The following GRIA3 variants were observed in gnomAD, a reference collection of about 807,000 sequenced individuals.
GRIA3 encodes the protein glutamate receptor 3.
In GRIA3, 3 loss-of-function variants were observed where a neutral mutation model predicts 63.0. That is an observed-to-expected ratio of 0.05 (90% CI 0.02 to 0.12). The LOEUF (loss-of-function observed/expected upper bound fraction) is 0.12. Among genes scored for constraint, GRIA3 ranks in the 10% least tolerant of loss-of-function variants. The pLI is 1.00. For synonymous variants in GRIA3, 274 were observed against 257.9 expected (o/e 1.06, Z -0.60); for missense variants, 347 against 700.9 (o/e 0.50, Z 5.70).
At chrX:123,376,331 GA>G (rs1194781048) in intron 5 of GRIA3, among the ~76,000 whole-genome samples, 1 of 111,650 alleles carries the variant, frequency 9.0e-6, no homozygotes, top group Non-Finnish European at 1.9e-5. Context: ...CTGCTATTCA[GA>G]AAAAAAATTG....
At chrX:123,204,487 T>A (rs1478971383) in intron 2 of GRIA3, 1 of 1,163,752 alleles carries the variant, frequency 8.6e-7, no homozygotes, top group African/African-American at 1.8e-5. Context: ...GTGAGCATCA[T>A]GGAGGGAGAA....
intron 5 of GRIA3, among the ~76,000 whole-genome samples, chrX:123,389,408 T>C (rs2045371486): frequency 8.9e-6 from 1 of 112,038 alleles, no homozygotes; most frequent in South Asian, 3.7e-4. Context: ...GAAGCATATA[T>C]GTTTAGAATT....
chrX:123,202,721 G>A (rs1479125846), intron 2 of GRIA3: 1 of 1,164,327 alleles, frequency 8.6e-7, no homozygotes, highest in Non-Finnish European at 1.1e-6. Context: ...AAGATCATGG[G>A]CTGCTGCACC....
In GRIA3 at chrX:123,313,594, C is replaced by A. The variant is rs543763207; in HGVS notation, c.509-12432C>A. ...TGGTAACCATCATTCATACCTCACACCCAGAACTCAGAAATGTTAAGAGGT... is the reference window on the plus strand; with the variant it reads ...TGGTAACCATCATTCATACCTCACAACCAGAACTCAGAAATGTTAAGAGGT... On this transcript the variant is annotated intron_variant, in intron 3 of 15. Coordinates refer to ENST00000620443, the MANE Select transcript of GRIA3 (RefSeq NM_007325.5). 1.2e-3 allele frequency among the ~76,000 whole-genome samples: 131 copies of A among 111,463 alleles called. 1 individual carries two copies. Among genetic ancestry groups the A allele is most frequent in the Middle Eastern group, 4.6e-3 (1 of 216 alleles).
intron 9 of GRIA3, 103 bp downstream of exon 9, chrX:123,403,622 A>G: frequency 1.7e-6 from 1 of 597,475 alleles, no homozygotes; most frequent in East Asian, 3.3e-5. Flanking sequence ...TCAAACAGTA[A>G]AAACTTCCAA....
At chrX:123,317,576 C>A (rs1311772684) in intron 3 of GRIA3, among the ~76,000 whole-genome samples, 4 of 111,993 alleles carry the variant, frequency 3.6e-5, no homozygotes, top group Non-Finnish European at 7.5e-5. Flanking sequence ...CAAAATCCAA[C>A]AGGGTAGTCA....
intron 3 of GRIA3, among the ~76,000 whole-genome samples, chrX:123,309,232 A>C (rs1394630976): frequency 9.0e-6 from 1 of 111,178 alleles, no homozygotes; most frequent in East Asian, 2.8e-4. Flanking sequence ...TAAAAATACA[A>C]AAAAATTAAC....
intron 10 of GRIA3, among the ~76,000 whole-genome samples, chrX:123,416,777 G>A (rs983910587): frequency 7.1e-5 from 8 of 112,501 alleles, no homozygotes; most frequent in Admixed American, 5.6e-4. Context: ...TATTTTTTAG[G>A]CATCTACAGT....
At chrX:123,377,843 G>A (rs1002971679) in intron 5 of GRIA3, among the ~76,000 whole-genome samples, 2 of 111,767 alleles carry the variant, frequency 1.8e-5, no homozygotes, top group African/African-American at 3.3e-5. Flanking sequence ...AGGATTCACA[G>A]CTCAGCTTTA....
chrX:123,196,515 C>T (rs936795316), intron 2 of GRIA3, among the ~76,000 whole-genome samples: 1 of 112,062 alleles, frequency 8.9e-6, no homozygotes, highest in Non-Finnish European at 1.9e-5. Context: ...TACAACAACA[C>T]CTTGCATGAA....
At chrX:123,377,109 T>G (rs1373412965) in intron 5 of GRIA3, among the ~76,000 whole-genome samples, 2 of 109,793 alleles carry the variant, frequency 1.8e-5, no homozygotes, top group African/African-American at 6.6e-5. Flanking sequence ...TAATTTTTTT[T>G]ATATTTTTAG....
chrX:123,388,516 G>A (rs766081283), intron 5 of GRIA3, among the ~76,000 whole-genome samples: 3 of 112,089 alleles, frequency 2.7e-5, no homozygotes, highest in East Asian at 5.6e-4. Context: ...CAAAGTGTGG[G>A]ATTACAGGAA....
chrX:123,460,968 G>C (rs1358439705), intron 12 of GRIA3, among the ~76,000 whole-genome samples: 1 of 111,574 alleles, frequency 9.0e-6, no homozygotes, highest in African/African-American at 3.3e-5. Flanking sequence ...ATTGATGTGG[G>C]CATCAAAGGC....
At chrX:123,291,581 A>G (rs1279564198) in intron 3 of GRIA3, among the ~76,000 whole-genome samples, 1 of 111,488 alleles carries the variant, frequency 9.0e-6, no homozygotes, top group African/African-American at 3.3e-5. Flanking sequence ...TTAAAAAAAG[A>G]AAAGAAAAAA....
chrX:123,221,732 T>G (rs1417777637), intron 2 of GRIA3, among the ~76,000 whole-genome samples: 3 of 111,619 alleles, frequency 2.7e-5, no homozygotes, highest in Non-Finnish European at 3.8e-5. Flanking sequence ...CAGAAAGTTG[T>G]TTCTTCAGGC....
At chrX:123,464,112 A>G (rs1399659988) in intron 12 of GRIA3, among the ~76,000 whole-genome samples, 1 of 111,124 alleles carries the variant, frequency 9.0e-6, no homozygotes, top group African/African-American at 3.3e-5. Context: ...GAACCGTTGT[A>G]CATTAAAAAA....
At chrX:123,430,795 C>T (rs967069647) in intron 12 of GRIA3, among the ~76,000 whole-genome samples, 1 of 110,447 alleles carries the variant, frequency 9.1e-6, no homozygotes, top group Non-Finnish European at 1.9e-5. Flanking sequence ...CCAGCCTGGT[C>T]AACACGGTAA....
chrX:123,355,728 T>C (rs1424332908), intron 5 of GRIA3, among the ~76,000 whole-genome samples: 1 of 111,747 alleles, frequency 8.9e-6, no homozygotes, highest in Non-Finnish European at 1.9e-5. Flanking sequence ...CAATTTTGTT[T>C]CATTAGCACA....
Position 123,489,853 on chromosome X carries a change from T to C in GRIA3, c.*1143T>C, listed in dbSNP as rs1430257601. 1 of 112,245 alleles carries C rather than the reference T, an allele frequency of 8.9e-6. No homozygotes were observed. Among genetic ancestry groups the C allele is most frequent in the African/African-American group, 3.3e-5 (1 of 30,749 alleles). The allele number at this position is 112,245 out of a possible 1,213,427, so 9.3% of individuals were successfully genotyped here. A position where few individuals can be genotyped will look rare whatever the true frequency, so the allele number is the denominator to read the frequency against. ...ACTAGCTGTTGCCTGCTACCGCCCA[T>C]GGCTCTCCATCGGACTGCATGTGTC... On this transcript the variant is annotated 3_prime_UTR_variant, in exon 16 of 16. Transcript: ENST00000620443.
Sources: gnomAD v4.1 joint callset for allele counts (sites outside exome capture counted in the v4.1 genomes callset) on GRCh38, gnomAD v4.1.1 for gene constraint, MANE v1.5 for transcripts, NCBI Gene and HGNC (gene_info 2026-07-23, HGNC 2026-07-21) for gene names.